Variants in TUBGCP5 observed in about 807,000 individuals in gnomAD.
TUBGCP5 encodes the protein gamma-tubulin complex component 5.
A neutral mutation model predicts 134.7 loss-of-function variants in TUBGCP5; 98 were observed. That is an observed-to-expected ratio of 0.73 (90% CI 0.62 to 0.86). TUBGCP5 has a LOEUF of 0.86. TUBGCP5 is among the 40% of genes least tolerant of loss of function. The pLI is 0.00. For synonymous variants in TUBGCP5, 456 were observed against 431.4 expected (o/e 1.06, Z -0.71); for missense variants, 1,150 against 1,244.8 (o/e 0.92, Z 1.15).
chr15:23,024,325 A>G (rs1301068205), intron 9 of TUBGCP5, 132 bp from the exon 10 acceptor site: 3 of 910,552 alleles, frequency 3.3e-6, no homozygotes, highest in African/African-American at 3.3e-5. Flanking sequence ...CAAAGTAATA[A>G]TATGATTAAT....
At chr15:22,990,178 T>C (rs1253892640) in intron 23 of TUBGCP5, among the ~76,000 whole-genome samples, 2 of 152,064 alleles carry the variant, frequency 1.3e-5, no homozygotes, top group Non-Finnish European at 2.9e-5. Context: ...GCAGGCACAC[T>C]TAGCAATGCC....
chr15:23,034,822 G>A lies in TUBGCP5; in HGVS notation c.310-1998C>T, dbSNP rs562294267. 3.7e-4 allele frequency among the ~76,000 whole-genome samples: 56 copies of A among 151,868 alleles called. 2 individuals carry two copies. In the South Asian group the frequency reaches 9.5e-3, roughly 26 times the overall value. On this transcript the variant is annotated intron_variant, in intron 3 of 22. Coordinates refer to ENST00000615383, the MANE Select transcript of TUBGCP5 (RefSeq NM_052903.6). ...AGCCTGGGCAACAGAGCAAGATTCC[G>A]TCTCAAAAAACAAAAAAACAAACAA...
intron 11 of TUBGCP5, among the ~76,000 whole-genome samples, chr15:23,021,330 T>C (rs542087888): frequency 6.6e-6 from 1 of 152,008 alleles, no homozygotes; most frequent in Non-Finnish European, 1.5e-5. Context: ...ATCTTAACTG[T>C]ATATTTTAAA....
downstream of TUBGCP5, among the ~76,000 whole-genome samples, chr15:22,997,971 A>G (rs1318211401): frequency 1.3e-5 from 2 of 152,074 alleles, no homozygotes; most frequent in African/African-American, 4.8e-5. Context: ...GAAAAATTTA[A>G]TAGTAAGCAT....
At chr15:23,030,769 T>G in intron 6 of TUBGCP5, 116 bp downstream of exon 6, 1 of 1,279,402 alleles carries the variant, frequency 7.8e-7, no homozygotes, top group South Asian at 1.5e-5. Flanking sequence ...ATTGGTTTTA[T>G]AAGGATGGTA....
chr15:22,985,914 A>G (rs1236929286), intron 23 of TUBGCP5, among the ~76,000 whole-genome samples: 1 of 151,876 alleles, frequency 6.6e-6, no homozygotes, highest in Non-Finnish European at 1.5e-5. Flanking sequence ...TGGGCGGATC[A>G]CAAGGTCAGG....
intron 19 of TUBGCP5, 104 bp downstream of exon 19, chr15:23,005,328 C>T (rs1479390120): frequency 7.4e-7 from 1 of 1,347,530 alleles, no homozygotes; most frequent in Admixed American, 2.4e-5. Flanking sequence ...CCCGTTTTCA[C>T]AGTCTGTAGG....
At chr15:23,003,783 G>A (rs1827256137) in intron 20 of TUBGCP5, among the ~76,000 whole-genome samples, 1 of 151,874 alleles carries the variant, frequency 6.6e-6, no homozygotes, top group African/African-American at 2.4e-5. Flanking sequence ...CTCCCAAGTA[G>A]CTGGGCCTCC....
chr15:23,004,069 A>G, intron 20 of TUBGCP5, 33 bp downstream of exon 20: 1 of 1,584,498 alleles, frequency 6.3e-7, no homozygotes, highest in Non-Finnish European at 8.6e-7. Flanking sequence ...CTCGCCCAGC[A>G]GTGGCCACAT....
intron 1 of TUBGCP5, among the ~76,000 whole-genome samples, chr15:23,038,836 T>C (rs959029634): frequency 2.7e-5 from 4 of 149,474 alleles, no homozygotes; most frequent in Non-Finnish European, 4.5e-5. Context: ...GAAATTGTAT[T>C]AGGTGACTCA....
chr15:22,992,637 G>A (rs2063885685), intron 23 of TUBGCP5, among the ~76,000 whole-genome samples: 1 of 152,136 alleles, frequency 6.6e-6, no homozygotes, highest in African/African-American at 2.4e-5. Flanking sequence ...TGAGGAGAGT[G>A]TTGATGACAC....
In TUBGCP5 at chr15:23,008,881, C is replaced by A. The variant is rs764516699; in HGVS notation, c.2145G>T (p.Arg715Ser). ...NLMQTLKKDYRLVEYLQAMRN... is the reference protein window; with the variant it reads ...NLMQTLKKDYSLVEYLQAMRN... Reference sequence around the variant, plus strand: ...TCATAGCTTGCAAGTATTCTACCAACCTGAATGGAGAGAAAATGAGTGACA... The same window carrying A: ...TCATAGCTTGCAAGTATTCTACCAAACTGAATGGAGAGAAAATGAGTGACA... The change falls in exon 16 of 23, where the codon AGG becomes AGT. Residue 715 changes from arginine to serine, a missense_variant and splice_region_variant. Transcript: ENST00000615383. 6.5e-7 allele frequency: 1 copy of A among 1,549,978 alleles called. No homozygotes were observed. The highest frequency in any genetic ancestry group is 8.6e-7 in the Non-Finnish European group (1 of 1,156,320).
At chr15:22,989,309 G>T (rs189519017) in intron 23 of TUBGCP5, among the ~76,000 whole-genome samples, 28 of 152,222 alleles carry the variant, frequency 1.8e-4, no homozygotes, top group Admixed American at 8.5e-4. Context: ...CATTGAATCC[G>T]GCCCAGCTGG....
At chr15:23,022,539 C>T (rs1401213442) in intron 10 of TUBGCP5, among the ~76,000 whole-genome samples, 1 of 152,224 alleles carries the variant, frequency 6.6e-6, no homozygotes, top group African/African-American at 2.4e-5. Context: ...GGAGGCTGTG[C>T]CTACAAAGGG....
intron 13 of TUBGCP5, among the ~76,000 whole-genome samples, chr15:23,015,544 A>C (rs1259161957): frequency 6.6e-6 from 1 of 152,030 alleles, no homozygotes; most frequent in Admixed American, 6.5e-5. Context: ...TGAGAGACTG[A>C]GGCAAGAGAA....
chr15:23,039,547 C>G lies in TUBGCP5; in HGVS notation c.-4G>C, dbSNP rs376992060. 3 of 1,449,618 alleles carry G rather than the reference C, an allele frequency of 2.1e-6. No individual in the cohort carries two copies. Among genetic ancestry groups the G allele is most frequent in the Non-Finnish European group, 1.8e-6 (2 of 1,086,190 alleles). 89.8% of individuals were successfully genotyped at this position (1,449,618 alleles called of 1,614,324 possible). A position where few individuals can be genotyped will look rare whatever the true frequency, so the allele number is the denominator to read the frequency against. The stretch of plus-strand genomic sequence containing the variant: ...ACGGTGGCCCGTGCCGCGCCATGTT[C>G]CGCGCTCCTGCAGCGCGCGTCTAAC... On this transcript the variant is annotated 5_prime_UTR_variant, in exon 1 of 23. Coordinates refer to ENST00000615383, the MANE Select transcript of TUBGCP5 (RefSeq NM_052903.6).
chr15:23,035,367 C>T (rs1333191271), intron 3 of TUBGCP5, among the ~76,000 whole-genome samples: 1 of 150,432 alleles, frequency 6.6e-6, no homozygotes, highest in Non-Finnish European at 1.5e-5. Context: ...GTTATTGCTA[C>T]ACCACACAGC....
chr15:23,003,174 A>G, intron 20 of TUBGCP5, 21 bp from the exon 21 acceptor site: 1 of 1,610,560 alleles, frequency 6.2e-7, no homozygotes, highest in South Asian at 1.1e-5. Flanking sequence ...AAGTCACAGA[A>G]CACAAACTGT....
intron 9 of TUBGCP5, 29 bp from the exon 10 acceptor site, chr15:23,024,222 A>G (rs770268770): frequency 6.2e-6 from 10 of 1,603,930 alleles, no homozygotes; most frequent in Non-Finnish European, 8.5e-6. Context: ...GCAATTATTC[A>G]AAGGTGGTCT....
Sources: allele counts gnomAD v4.1 joint callset (sites outside exome capture counted in the v4.1 genomes callset), GRCh38; gene constraint gnomAD v4.1.1; transcripts MANE v1.5; gene names NCBI Gene and HGNC (gene_info 2026-07-23, HGNC 2026-07-21).